AGBL1: variants seen among roughly 807,000 people sequenced by gnomAD.
The protein encoded by AGBL1 is AGBL carboxypeptidase 1, also known as cytosolic carboxypeptidase 4.
In AGBL1, 130 loss-of-function variants were observed where a neutral mutation model predicts 118.9. The ratio of observed to expected loss-of-function variants is 1.09; its 90% CI spans 0.95 to 1.26. The LOEUF is 1.26. AGBL1 is among the 50% of genes most tolerant of loss of function. AGBL1 has a pLI of 0.00. For synonymous variants in AGBL1, 555 were observed against 478.9 expected (o/e 1.16, Z -2.08); for missense variants, 1,584 against 1,298.1 (o/e 1.22, Z -3.38).
chr15:86,668,454 A>T (rs1443803616), intron 21 of AGBL1, among the ~76,000 whole-genome samples: 1 of 152,168 alleles, frequency 6.6e-6, no homozygotes, highest in Admixed American at 6.5e-5. Flanking sequence ...CTTTCAGAAA[A>T]TATAAACAAG....
At chr15:86,408,981 T>A (rs982706481) in intron 18 of AGBL1, among the ~76,000 whole-genome samples, 1 of 152,168 alleles carries the variant, frequency 6.6e-6, no homozygotes, top group Non-Finnish European at 1.5e-5. Flanking sequence ...ATAGGAATAG[T>A]TTAATCTCAC....
intron 17 of AGBL1, chr15:86,305,154 A>G (rs1387142268): frequency 1.3e-5 from 2 of 152,242 alleles, no homozygotes; most frequent in Non-Finnish European, 2.9e-5. Flanking sequence ...CTGGGTAATT[A>G]GCAACCTTGT....
chr15:86,567,800 A>T (rs1052517712), intron 21 of AGBL1, among the ~76,000 whole-genome samples: 1 of 152,134 alleles, frequency 6.6e-6, no homozygotes, highest in African/African-American at 2.4e-5. Flanking sequence ...AGAAAGTCTG[A>T]ACTCTGTGTC....
intron 17 of AGBL1, among the ~76,000 whole-genome samples, chr15:86,372,252 T>C (rs527878696): frequency 3.9e-5 from 6 of 152,340 alleles, no homozygotes; most frequent in African/African-American, 1.4e-4. Flanking sequence ...TTGGTTGGCT[T>C]AGTCTTGGCC....
At chr15:86,904,000 G>A (rs753798371) in intron 22 of AGBL1, among the ~76,000 whole-genome samples, 12 of 137,630 alleles carry the variant, frequency 8.7e-5, no homozygotes, top group Non-Finnish European at 9.6e-5. Context: ...GGGGTCTGGT[G>A]AGAGTAGAAG....
At chr15:86,308,055 G>A (rs1466141032) in intron 17 of AGBL1, among the ~76,000 whole-genome samples, 1 of 151,904 alleles carries the variant, frequency 6.6e-6, no homozygotes, top group Admixed American at 6.6e-5. Context: ...GCCTGTTTGG[G>A]ACTTTACATA....
chr15:86,357,027 G>A (rs1415391165), intron 17 of AGBL1, among the ~76,000 whole-genome samples: 2 of 152,128 alleles, frequency 1.3e-5, no homozygotes, highest in Non-Finnish European at 2.9e-5. Flanking sequence ...GGCAAACATT[G>A]GCACTACCAG....
At chr15:86,090,438 T>C (rs1341054574) in intron 1 of AGBL1, among the ~76,000 whole-genome samples, 3 of 152,206 alleles carry the variant, frequency 2.0e-5, no homozygotes, top group Non-Finnish European at 2.9e-5. Flanking sequence ...TATATACATA[T>C]AGCAATGAGA....
intron 24 of AGBL1, among the ~76,000 whole-genome samples, chr15:87,024,282 A>C (rs2081701117): frequency 6.6e-6 from 1 of 152,082 alleles, no homozygotes; most frequent in African/African-American, 2.4e-5. Flanking sequence ...TTCAATAAGA[A>C]ATAAAACAGG....
chr15:86,525,512 C>G (rs1188510672), intron 19 of AGBL1, among the ~76,000 whole-genome samples: 9 of 152,146 alleles, frequency 5.9e-5, no homozygotes, highest in South Asian at 2.1e-4. Context: ...ACCAAATCAG[C>G]ATGGCACTGG....
At chr15:86,577,126 T>G (rs558076462) in intron 21 of AGBL1, among the ~76,000 whole-genome samples, 1 of 152,326 alleles carries the variant, frequency 6.6e-6, no homozygotes, top group African/African-American at 2.4e-5. Context: ...ACTATGGAAC[T>G]TCCTATGGAC....
In AGBL1 at chr15:86,156,596, C is replaced by A. The variant is rs569425621; in HGVS notation, c.394+2035C>A. Among the ~76,000 whole-genome samples the A allele has an allele frequency of 2.0e-5, 3 of 152,200 alleles. No individual in the cohort carries two copies. The South Asian group carries it at 6.2e-4, about 32-fold the overall frequency. On this transcript the variant is annotated intron_variant, in intron 4 of 22. Coordinates refer to ENST00000614907, the MANE Select transcript of AGBL1 (RefSeq NM_001386094.1). ...TAGATGGGGTGAATGGGAGAATGTT[C>A]ATGGGCATGTTCGTCACATGGCAAC...
rs1440027336 is a variant in AGBL1 at position 86,827,353 on chromosome 15, A to G, written c.3159-79734A>G. ...TATATATATATGTGTATATATATAT[A>G]TATATATATGTGTGTGTATATATAT... On this transcript the variant is annotated intron_variant, in intron 22 of 22. Transcript: ENST00000614907. Among the ~76,000 whole-genome samples the G allele has an allele frequency of 3.5e-4, 4 of 11,276 alleles. 2 individuals are homozygous for G. 7.4% of individuals were successfully genotyped at this position (11,276 alleles called of 152,430 possible).
chr15:86,369,928 G>A (rs1441602214), intron 17 of AGBL1, among the ~76,000 whole-genome samples: 1 of 152,080 alleles, frequency 6.6e-6, no homozygotes, highest in African/African-American at 2.4e-5. Flanking sequence ...GGCATATATA[G>A]AATTTCACAC....
At chr15:87,027,878 C>T in intron 24 of AGBL1, among the ~76,000 whole-genome samples, 1 of 151,688 alleles carries the variant, frequency 6.6e-6, no homozygotes, top group Non-Finnish European at 1.5e-5. Context: ...ACTGGGGCCT[C>T]TCGAGGGGTG....
At chr15:86,227,140 A>T (rs1365349709) in intron 6 of AGBL1, among the ~76,000 whole-genome samples, 3 of 152,266 alleles carry the variant, frequency 2.0e-5, no homozygotes, top group Non-Finnish European at 2.9e-5. Context: ...AGAATCTAAC[A>T]TCCATGCATA....
chr15:86,979,881 G>C (rs527863618), intron 23 of AGBL1, among the ~76,000 whole-genome samples: 1 of 152,196 alleles, frequency 6.6e-6, no homozygotes, highest in Non-Finnish European at 1.5e-5. Flanking sequence ...ACATCTCACT[G>C]TTTCCCTTTC....
chr15:86,289,127 T>C (rs1250780208), intron 16 of AGBL1, among the ~76,000 whole-genome samples: 2 of 152,146 alleles, frequency 1.3e-5, no homozygotes, highest in African/African-American at 2.4e-5. Flanking sequence ...TTTTCCTTTC[T>C]CTCCTTTAAA....
In AGBL1 at chr15:86,379,789, G is replaced by A. The variant is rs76826831; in HGVS notation, c.2375-17577G>A. 1.1e-4 allele frequency among the ~76,000 whole-genome samples: 17 copies of A among 152,250 alleles called. No homozygotes were observed. In the East Asian group the frequency reaches 1.5e-3, roughly 14 times the overall value. On this transcript the variant is annotated intron_variant, in intron 17 of 22. Coordinates refer to ENST00000614907, the MANE Select transcript of AGBL1 (RefSeq NM_001386094.1). ...ATAGTGATCTCAACACAGCTTATTTGCCCTTCTCTACAGAGTTTCAGAGCT... is the reference window on the plus strand; with the variant it reads ...ATAGTGATCTCAACACAGCTTATTTACCCTTCTCTACAGAGTTTCAGAGCT...
Sources: gnomAD v4.1 joint callset for allele counts (sites outside exome capture counted in the v4.1 genomes callset) on GRCh38, gnomAD v4.1.1 for gene constraint, MANE v1.5 for transcripts, NCBI Gene and HGNC (gene_info 2026-07-23, HGNC 2026-07-21) for gene names.